The following LIPA variants were observed in gnomAD, a reference collection of about 807,000 sequenced individuals.
LIPA encodes the protein lipase A, lysosomal acid type, also known as lysosomal acid lipase/cholesteryl ester hydrolase.
In LIPA, 26 loss-of-function variants were observed where a neutral mutation model predicts 40.6. The ratio of observed to expected loss-of-function variants is 0.64; its 90% CI spans 0.47 to 0.89. LIPA has a LOEUF of 0.89. Among genes scored for constraint, LIPA ranks in the 40% least tolerant of loss-of-function variants. LIPA has a pLI of 0.00. For missense variants in LIPA, 455 were observed against 479.6 expected, an observed-to-expected ratio of 0.95 and a Z score of 0.48; for synonymous variants, 188 against 168.4, an observed-to-expected ratio of 1.12 and a Z score of -0.90.
intron 2 of LIPA, chr10:89,362,759 G>C: frequency 2.8e-6 from 2 of 721,290 alleles, no homozygotes; most frequent in Admixed American, 2.6e-5. Flanking sequence ...CCTTGGCGAA[G>C]TGTGGAGGAA....
intron 1 of LIPA, among the ~76,000 whole-genome samples, chr10:89,315,624 A>G (rs1305228346): frequency 6.6e-6 from 1 of 152,234 alleles, no homozygotes; most frequent in East Asian, 1.9e-4. Flanking sequence ...CAACTCCTTC[A>G]GAGCTCAAAG....
chr10:89,335,202 T>A (rs915649888), intron 1 of LIPA: 4 of 152,196 alleles, frequency 2.6e-5, no homozygotes, highest in African/African-American at 9.7e-5. Context: ...GTGGGTTTTA[T>A]AATCATAAAG....
At chr10:89,396,229 G>A (rs917048331) in intron 2 of LIPA, among the ~76,000 whole-genome samples, 6 of 152,158 alleles carry the variant, frequency 3.9e-5, no homozygotes, top group African/African-American at 1.4e-4. Flanking sequence ...CAATGTATGA[G>A]GGTTTCAATT....
chr10:89,359,836 CACACACAA>C lies in LIPA; in HGVS notation c.61+52947_61+52954del, dbSNP rs1469151511. 8.7e-3 allele frequency among the ~76,000 whole-genome samples: 1,306 copies of C among 149,532 alleles called. 20 individuals are homozygous for C. Among genetic ancestry groups the C allele is most frequent in the African/African-American group, 0.03 (1,251 of 41,198 alleles). On this transcript the variant is annotated intron_variant, in intron 2 of 8. Transcript: ENST00000371837. The stretch of plus-strand genomic sequence containing the variant: ...TCTCTCACACACACACACACACACA[CACACACAA>C]ACACACACACACACAATGATAATGC...
intron 1 of LIPA, among the ~76,000 whole-genome samples, chr10:89,311,355 T>C (rs558074646): frequency 6.6e-6 from 1 of 151,728 alleles, no homozygotes; most frequent in East Asian, 1.9e-4. Context: ...AAACCCCATC[T>C]CTACCAAAAA....
rs1843660608 is a variant in LIPA, at chr10:89,332,206, C to G, written c.-2+10405G>C. Among the ~76,000 whole-genome samples the G allele has an allele frequency of 2.0e-5, 3 of 152,308 alleles. No homozygotes were observed. The South Asian group carries it at 6.2e-4, about 32-fold the overall frequency. On this transcript the variant is annotated intron_variant, in intron 1 of 5. Transcript: ENST00000282673. ...AGGGAGTCTGGTTAACATGTAACCCCTCACCACACAGGTCAAAGAGCAACA... is the reference window on the plus strand; with the variant it reads ...AGGGAGTCTGGTTAACATGTAACCCGTCACCACACAGGTCAAAGAGCAACA...
chr10:89,384,507 A>G, intron 2 of LIPA: 1 of 1,614,022 alleles, frequency 6.2e-7, no homozygotes, highest in Non-Finnish European at 8.5e-7. Flanking sequence ...AAGATAAAGC[A>G]ATTACCCATT....
At chr10:89,389,519 G>C (rs1436633094) in intron 2 of LIPA, among the ~76,000 whole-genome samples, 1 of 152,140 alleles carries the variant, frequency 6.6e-6, no homozygotes, top group Admixed American at 6.6e-5. Flanking sequence ...CAGATCACTA[G>C]ATCCTATTCT....
At chr10:89,252,549 T>A (rs1843142513), upstream of LIPA, among the ~76,000 whole-genome samples, 7 of 152,202 alleles carry the variant, frequency 4.6e-5, no homozygotes, top group Admixed American at 4.6e-4. Context: ...GGCTCACGCC[T>A]GTAATCCCAG....
upstream of LIPA, among the ~76,000 whole-genome samples, chr10:89,347,503 T>C (rs1843930865): frequency 1.3e-5 from 2 of 152,218 alleles, no homozygotes; most frequent in African/African-American, 4.8e-5. Flanking sequence ...TGCAAGCAAG[T>C]CTTTCTAAAG....
chr10:89,223,738 G>A lies in LIPA; in HGVS notation c.768C>T (p.Leu256=). ...HVCTHVILKE[L]CGNLCFLLCG... is the part of the protein sequence containing the mutation. ...ACAGAAGAAAACAGAGATTTCCACAGAGCTCCTTCAGTATGACATGAGTGC... is the reference window on the plus strand; with the variant it reads ...ACAGAAGAAAACAGAGATTTCCACAAAGCTCCTTCAGTATGACATGAGTGC... The change falls in exon 7 of 10, where the codon CTC becomes CTT. Residue 256 remains leucine (L), a synonymous_variant. Transcript: ENST00000336233. 1 of 1,613,460 alleles carries A rather than the reference G, an allele frequency of 6.2e-7. No individual in the cohort carries two copies. The highest frequency in any genetic ancestry group is 1.1e-5 in the South Asian group (1 of 91,062).
At chr10:89,303,092 T>C (rs930549843) in intron 1 of LIPA, among the ~76,000 whole-genome samples, 5 of 152,238 alleles carry the variant, frequency 3.3e-5, no homozygotes, top group Admixed American at 2.6e-4. Context: ...TTTTCTTATT[T>C]CTTAGAATTT....
chr10:89,355,363 G>T (rs573460593), intron 2 of LIPA, among the ~76,000 whole-genome samples: 1 of 152,368 alleles, frequency 6.6e-6, no homozygotes, highest in South Asian at 2.1e-4. Flanking sequence ...GGGTTGGTGA[G>T]TTAGCTCAGA....
chr10:89,361,568 T>C (rs551114831), intron 2 of LIPA, among the ~76,000 whole-genome samples: 15 of 152,330 alleles, frequency 9.8e-5, no homozygotes, highest in African/African-American at 3.1e-4. Flanking sequence ...GAAAGTGTCA[T>C]ATAGCATTGA....
intron 3 of LIPA, among the ~76,000 whole-genome samples, chr10:89,244,331 G>T (rs193219390): frequency 1.1e-3 from 161 of 152,274 alleles, no homozygotes; most frequent in Non-Finnish European, 1.9e-3. Context: ...GTTTAAGTTT[G>T]CTTTGAATAA....
intron 1 of LIPA, chr10:89,307,229 A>T: frequency 6.2e-7 from 1 of 1,614,074 alleles, no homozygotes; most frequent in Non-Finnish European, 8.5e-7. Flanking sequence ...GCGACTTTCT[A>T]AAAATGGAGC....
At chr10:89,340,100 T>A in intron 1 of LIPA, 1 of 1,607,544 alleles carries the variant, frequency 6.2e-7, no homozygotes, top group East Asian at 2.2e-5. Context: ...CCCAGAGAGC[T>A]CCTCTCTAAC....
intron 2 of LIPA, among the ~76,000 whole-genome samples, chr10:89,375,094 A>G (rs1844112721): frequency 6.6e-6 from 1 of 152,220 alleles, no homozygotes; most frequent in African/African-American, 2.4e-5. Flanking sequence ...CACACTGTGA[A>G]AGCAACACTC....
chr10:89,408,081 C>T (rs1004044300), intron 2 of LIPA, among the ~76,000 whole-genome samples: 1 of 152,136 alleles, frequency 6.6e-6, no homozygotes, highest in African/African-American at 2.4e-5. Flanking sequence ...CAAACCAAAA[C>T]CATGGGTGGT....
Sources: allele counts gnomAD v4.1 joint callset (sites outside exome capture counted in the v4.1 genomes callset), GRCh38; gene constraint gnomAD v4.1.1; transcripts MANE v1.5; gene names NCBI Gene and HGNC (gene_info 2026-07-23, HGNC 2026-07-21).